Variants in UBN1 observed in about 807,000 individuals in gnomAD.
The protein encoded by UBN1 is ubinuclein 1.
In UBN1, 17 loss-of-function variants were observed where a neutral mutation model predicts 108.5. That is an observed-to-expected ratio of 0.16 (90% CI 0.11 to 0.24). The LOEUF is 0.24. Ranked by LOEUF, UBN1 falls within the 10% of genes least tolerant of loss-of-function variation. UBN1 has a pLI of 1.00. For missense variants in UBN1, 1,595 were observed against 1,394.4 expected (o/e 1.14, Z -2.29); for synonymous variants, 726 against 564.2 (o/e 1.29, Z -4.07).
rs375900075 is a variant in UBN1, at chr16:4,860,059, G to A, written c.671+91G>A. The A allele has an allele frequency of 1.8e-4, 274 of 1,544,408 alleles. 4 individuals are homozygous for A. The East Asian group carries it at 4.0e-3, about 23-fold the overall frequency. ...GACTCACCTCCTCCCCACAGCTTCG[G>A]AAGAGGCAGCAGGGCCTGGCCTTCC... On this transcript the variant is annotated intron_variant, in intron 6 of 17. Coordinates refer to ENST00000262376, the MANE Select transcript of UBN1 (RefSeq NM_001079514.3).
intron 2 of UBN1, among the ~76,000 whole-genome samples, chr16:4,855,508 C>T (rs1012240856): frequency 6.7e-6 from 1 of 149,782 alleles, no homozygotes; most frequent in African/African-American, 2.5e-5. Flanking sequence ...TCCAGCTACT[C>T]AGAAAGCTGA....
chr16:4,870,125 C>T, intron 8 of UBN1, 87 bp from the exon 9 acceptor site: 1 of 1,580,802 alleles, frequency 6.3e-7, no homozygotes, highest in Non-Finnish European at 8.6e-7. Flanking sequence ...CCGTTGGCTC[C>T]TAGCTTTCCT....
At chr16:4,876,236 G>T (rs1489007294) in intron 15 of UBN1, among the ~76,000 whole-genome samples, 3 of 152,112 alleles carry the variant, frequency 2.0e-5, no homozygotes. Context: ...GGGATTGCAG[G>T]TGTGAGCCAC....
At chr16:4,867,225 G>A (rs2087378158) in intron 7 of UBN1, among the ~76,000 whole-genome samples, 1 of 152,220 alleles carries the variant, frequency 6.6e-6, no homozygotes, top group Non-Finnish European at 1.5e-5. Context: ...CAGGGGAAGA[G>A]CAGAAGCCAG....
At position 4,875,381 on chromosome 16, in the gene UBN1, C is replaced by T; in HGVS notation, c.2971C>T (p.Pro991Ser). The change falls in exon 15 of 18, where the codon CCG (proline) becomes TCG (serine). Residue 991 changes from proline to serine, a missense_variant. Pro to Ser is a moderately conservative substitution (Grantham distance 74). Around this residue, in one of 3 missense-constraint regions of UBN1, gnomAD observed 1,398 missense variants for 1,194.7 expected, o/e 1.17. Coordinates refer to ENST00000262376, the MANE Select transcript of UBN1 (RefSeq NM_001079514.3). ...GGGAGTGGCAAAGTTGCTGACCTCGCCGTCCCTAAAGCCCTCTGCAGTTAG... is the reference window on the plus strand; with the variant it reads ...GGGAGTGGCAAAGTTGCTGACCTCGTCGTCCCTAAAGCCCTCTGCAGTTAG... ...TQGVAKLLTS[P>S]SLKPSAVSSV... 5 of 1,614,134 alleles carry T rather than the reference C, an allele frequency of 3.1e-6. No individual in the cohort carries two copies. The highest frequency in any genetic ancestry group is 4.2e-6 in the Non-Finnish European group (5 of 1,180,040).
chr16:4,865,698 A>AT (rs35715610), intron 7 of UBN1, among the ~76,000 whole-genome samples: 63 of 151,900 alleles, frequency 4.1e-4, no homozygotes, highest in African/African-American at 1.5e-3. Flanking sequence ...ATGGTGGCTC[A>AT]GCCTGTAATC....
At chr16:4,859,631 G>C (rs7184401) in intron 5 of UBN1, among the ~76,000 whole-genome samples, 5,399 of 152,304 alleles carry the variant, frequency 0.035, 103 homozygotes, top group Middle Eastern at 0.058. Context: ...AAACTACAAA[G>C]GTTTCAGGCT....
intron 15 of UBN1, among the ~76,000 whole-genome samples, chr16:4,875,982 G>A (rs12443726): frequency 0.11 from 16,662 of 146,432 alleles, 1,247 homozygotes; most frequent in South Asian, 0.25. Flanking sequence ...TTTTTGAGAC[G>A]AAGTCTTGCT....
rs763595956 is a variant in UBN1, at chr16:4,859,975, G to T, written c.671+7G>T. On this transcript the variant is annotated splice_region_variant and intron_variant, in intron 6 of 17. Coordinates refer to ENST00000262376, the MANE Select transcript of UBN1 (RefSeq NM_001079514.3). ...CCAAGTTTTCCAAAGCCGGGTGAGA[G>T]GCAGCAGCTTCTTTGCTAGGATAAA... 6.8e-6 allele frequency: 11 copies of T among 1,613,950 alleles called. No homozygotes were observed. The highest frequency in any genetic ancestry group is 9.3e-6 in the Non-Finnish European group (11 of 1,179,962).
intron 17 of UBN1, among the ~76,000 whole-genome samples, chr16:4,879,645 T>C (rs2088020750): frequency 6.6e-6 from 1 of 152,250 alleles, no homozygotes; most frequent in South Asian, 2.1e-4. Flanking sequence ...CTGCGTTGCT[T>C]TCCTTTCTTT....
chr16:4,860,657 C>A lies in UBN1; in HGVS notation c.672-7C>A. The stretch of plus-strand genomic sequence containing the variant: ...GTCTGAGTGACCAGTTTCCCTCTTG[C>A]TTGCAGCTTCACAGCCCTCAATGCC... On this transcript the variant is annotated splice_polypyrimidine_tract_variant and splice_region_variant and intron_variant, in intron 6 of 17. Transcript: ENST00000262376. 1.9e-6 allele frequency: 3 copies of A among 1,605,506 alleles called. No homozygotes were observed. Among genetic ancestry groups the A allele is most frequent in the East Asian group, 2.2e-5 (1 of 44,870 alleles).
chr16:4,880,555 C>G lies in UBN1; in HGVS notation c.*423C>G. 1 of 186,598 alleles carries G rather than the reference C, an allele frequency of 5.4e-6. No homozygotes were observed. Among genetic ancestry groups the G allele is most frequent in the Non-Finnish European group, 1.2e-5 (1 of 86,188 alleles). 11.6% of individuals were successfully genotyped at this position (186,598 alleles called of 1,614,324 possible). Reference sequence around the variant, plus strand: ...AGGGGCTCCTTCTGGCTGCAGTAAGCTCCCTGGATGGTCACAGTGCCGCCC... The same window carrying G: ...AGGGGCTCCTTCTGGCTGCAGTAAGGTCCCTGGATGGTCACAGTGCCGCCC... On this transcript the variant is annotated 3_prime_UTR_variant, in exon 18 of 18. Coordinates refer to ENST00000262376, the MANE Select transcript of UBN1 (RefSeq NM_001079514.3).
chr16:4,852,413 A>G (rs964265051), intron 1 of UBN1: 1 of 156,618 alleles, frequency 6.4e-6, no homozygotes, highest in Admixed American at 6.3e-5. Context: ...GTTCTTTACT[A>G]TCCTGGGGTA....
intron 1 of UBN1, among the ~76,000 whole-genome samples, chr16:4,850,688 A>G (rs146685521): frequency 6.6e-6 from 1 of 152,300 alleles, no homozygotes; most frequent in East Asian, 1.9e-4. Context: ...ATTTGTAGAT[A>G]TTTTGTTCCC....
intron 7 of UBN1, among the ~76,000 whole-genome samples, chr16:4,865,553 C>G (rs1002984694): frequency 6.6e-6 from 1 of 152,054 alleles, no homozygotes; most frequent in African/African-American, 2.4e-5. Flanking sequence ...CAGCTGTAGT[C>G]CCAGCTGCTT....
chr16:4,855,461 C>T (rs111722708), intron 2 of UBN1, among the ~76,000 whole-genome samples: 7,911 of 151,826 alleles, frequency 0.052, 690 homozygotes, highest in African/African-American at 0.18. Flanking sequence ...CAAAATAATA[C>T]AGAAATTAGC....
intron 15 of UBN1, 79 bp downstream of exon 15, chr16:4,875,513 G>A: frequency 6.6e-7 from 1 of 1,524,552 alleles, no homozygotes; most frequent in South Asian, 1.3e-5. Context: ...TGCCCCGGGT[G>A]GAGAGTGAGA....
At position 4,856,873 on chromosome 16, in the gene UBN1, TG is replaced by T. The variant is rs1159946244; in HGVS notation, c.250-1116del. ...AGATGTATGCTCTATAATATCCCAT[TG>T]TATGTGTACACCACAAATCATTTAA... On this transcript the variant is annotated intron_variant, in intron 2 of 17. Coordinates refer to ENST00000262376, the MANE Select transcript of UBN1 (RefSeq NM_001079514.3). Among the ~76,000 whole-genome samples, 5 of 152,360 alleles carry T rather than the reference TG, an allele frequency of 3.3e-5. No homozygotes were observed. The East Asian group carries it at 9.6e-4, about 29-fold the overall frequency.
rs1000643412 is a variant in UBN1, at chr16:4,874,142, A to G, written c.1801-69A>G. 2.4e-5 allele frequency: 36 copies of G among 1,488,300 alleles called. 1 individual carries two copies. The South Asian group carries it at 4.2e-4, about 17-fold the overall frequency. 92.2% of individuals were successfully genotyped at this position (1,488,300 alleles called of 1,614,324 possible). A position where few individuals can be genotyped will look rare whatever the true frequency, so the allele number is the denominator to read the frequency against. On this transcript the variant is annotated intron_variant, in intron 14 of 17. Coordinates refer to ENST00000262376, the MANE Select transcript of UBN1 (RefSeq NM_001079514.3). ...TTTTGACTCGAGTTCACATGTTTGT[A>G]TCCTCACAACAGGCCAATGTTGGCA...
Sources: gnomAD v4.1 joint callset for allele counts (sites outside exome capture counted in the v4.1 genomes callset) on GRCh38, gnomAD v4.1.1 for gene constraint, gnomAD v4.1.1 regional missense constraint, MANE v1.5 for transcripts, NCBI Gene and HGNC (gene_info 2026-07-23, HGNC 2026-07-21) for gene names.